Variants in CC2D2B observed in about 807,000 individuals in gnomAD.
CC2D2B encodes protein CC2D2B.
CC2D2B carries 128 observed loss-of-function variants against 161.2 expected under a neutral mutation model. The observed-to-expected ratio is 0.79, with a 90% CI of 0.69 to 0.92. The LOEUF (loss-of-function observed/expected upper bound fraction) is 0.92, where lower values mean the gene tolerates loss of function less well. CC2D2B is among the 40% of genes least tolerant of loss of function. CC2D2B has a pLI of 0.00. For missense variants in CC2D2B, 1,173 were observed against 1,375.1 expected (o/e 0.85, Z 2.32); for synonymous variants, 391 against 449.8 (o/e 0.87, Z 1.65).
chr10:96,008,282 A>G (rs1031623479), intron 25 of CC2D2B, among the ~76,000 whole-genome samples: 1 of 150,482 alleles, frequency 6.6e-6, no homozygotes, highest in African/African-American at 2.4e-5. Context: ...GCAGTATTCC[A>G]TTGATAAACA....
chr10:96,032,076 C>T lies in CC2D2B; in HGVS notation c.*68C>T. 1 of 1,242,328 alleles carries T rather than the reference C, an allele frequency of 8.0e-7. No individual in the cohort carries two copies. Among genetic ancestry groups the T allele is most frequent in the Non-Finnish European group, 1.1e-6 (1 of 892,896 alleles). The allele number at this position is 1,242,328 out of a possible 1,614,324, so 77.0% of individuals were successfully genotyped here. A position where few individuals can be genotyped will look rare whatever the true frequency, so the allele number is the denominator to read the frequency against. The stretch of plus-strand genomic sequence containing the variant: ...AGTACCAACAAAAACTTTTCTGGTA[C>T]CTTGAGATTTTGCTGTTTATTCTCA... On this transcript the variant is annotated 3_prime_UTR_variant, in exon 35 of 35. Coordinates refer to ENST00000646931, the MANE Select transcript of CC2D2B (RefSeq NM_001349008.3).
chr10:95,990,698 A>G (rs1174980843), intron 20 of CC2D2B, among the ~76,000 whole-genome samples: 2 of 152,228 alleles, frequency 1.3e-5, no homozygotes, highest in Non-Finnish European at 2.9e-5. Context: ...GATCTTTGAC[A>G]GGACAGAAAG....
In CC2D2B at chr10:95,938,107, A is replaced by G; in HGVS notation, c.453A>G (p.Lys151=). Reference sequence around the variant, plus strand: ...AATTCATTTTGACAGATATACTCAAAGTAAAAGCTGCTGACTATGAAGATG... The same window carrying G: ...AATTCATTTTGACAGATATACTCAAGGTAAAAGCTGCTGACTATGAAGATG... The part of the protein sequence containing the change: ...MKEFILTDIL[K]VKAADYEDDQ... The change falls in exon 7 of 35, where the codon AAA becomes AAG. Residue 151 remains lysine, a synonymous_variant. Transcript: ENST00000646931. The G allele has an allele frequency of 1.3e-6, 2 of 1,550,074 alleles. No individual in the cohort carries two copies. Among genetic ancestry groups the G allele is most frequent in the Admixed American group, 2.0e-5 (1 of 51,002 alleles).
At chr10:95,947,994 T>A (rs1486117589) in intron 9 of CC2D2B, among the ~76,000 whole-genome samples, 1 of 152,224 alleles carries the variant, frequency 6.6e-6, no homozygotes, top group Non-Finnish European at 1.5e-5. Flanking sequence ...CATTTAACTC[T>A]GGCCCACGGT....
At chr10:96,005,667 A>G (rs888399651) in intron 25 of CC2D2B, among the ~76,000 whole-genome samples, 6 of 152,148 alleles carry the variant, frequency 3.9e-5, no homozygotes, top group Non-Finnish European at 7.4e-5. Context: ...ATGTATTAGC[A>G]GAAAGCTGAA....
At chr10:95,939,777 C>T (rs558148577) in intron 9 of CC2D2B, among the ~76,000 whole-genome samples, 46 of 152,138 alleles carry the variant, frequency 3.0e-4, no homozygotes, top group Non-Finnish European at 5.6e-4. Context: ...GTTATTAGGA[C>T]AGCCTTTTTT....
At chr10:95,958,318 C>G (rs966173928) in intron 11 of CC2D2B, among the ~76,000 whole-genome samples, 2 of 151,948 alleles carry the variant, frequency 1.3e-5, no homozygotes, top group African/African-American at 4.8e-5. Flanking sequence ...ATGGTGAAAC[C>G]CCAACTGTAC....
At chr10:96,008,077 A>G (rs1048797380) in intron 25 of CC2D2B, among the ~76,000 whole-genome samples, 1 of 150,556 alleles carries the variant, frequency 6.6e-6, no homozygotes, top group African/African-American at 2.4e-5. Context: ...TGGCCTATCT[A>G]CCTCCTGCCC....
At chr10:96,019,020 T>C (rs528491467) in intron 30 of CC2D2B, 183 bp from the exon 31 acceptor site, 8 of 503,814 alleles carry the variant, frequency 1.6e-5, no homozygotes, top group African/African-American at 1.6e-4. Context: ...TTGCCCAGGC[T>C]GGTCTCAAAC....
At chr10:96,029,817 GTTTT>G (rs5787169) in intron 34 of CC2D2B, among the ~76,000 whole-genome samples, 1 of 144,768 alleles carries the variant, frequency 6.9e-6, no homozygotes, top group Non-Finnish European at 1.5e-5. Context: ...TTGTTGTTTT[GTTTT>G]TTTTTTTGCG....
At chr10:95,993,827 AAAGAGTG>A in intron 22 of CC2D2B, among the ~76,000 whole-genome samples, 1 of 134,048 alleles carries the variant, frequency 7.5e-6, no homozygotes, top group African/African-American at 2.8e-5. Flanking sequence ...GTGTATATAT[AAAGAGTG>A]TATATATATA....
At chr10:95,961,196 T>C (rs2076747039) in intron 11 of CC2D2B, among the ~76,000 whole-genome samples, 1 of 152,162 alleles carries the variant, frequency 6.6e-6, no homozygotes, top group Non-Finnish European at 1.5e-5. Context: ...TGCTCCTTTC[T>C]TCCACCATTG....
chr10:95,955,489 A>T lies in CC2D2B; in HGVS notation c.1107A>T (p.Ile369=). Reference sequence around the variant, plus strand: ...CTTTACAAGATTATTATTGGCAAATAAGGTAGGTTTTGAGCCATTCATGTT... The same window carrying T: ...CTTTACAAGATTATTATTGGCAAATTAGGTAGGTTTTGAGCCATTCATGTT... The part of the protein sequence containing the change: ...RKSLQDYYWQ[I]SNTKQMYDLE... Residue 369 remains isoleucine (I), a splice_region_variant and synonymous_variant, in exon 11 of 35, where the codon ATA becomes ATT. Transcript: ENST00000646931. 1 of 398,300 alleles carries T rather than the reference A, an allele frequency of 2.5e-6. No individual in the cohort carries two copies. Among genetic ancestry groups the T allele is most frequent in the Non-Finnish European group, 4.4e-6 (1 of 225,532 alleles). The allele number at this position is 398,300 out of a possible 1,614,324, so 24.7% of individuals were successfully genotyped here. A position where few individuals can be genotyped will look rare whatever the true frequency, so the allele number is the denominator to read the frequency against.
At chr10:95,991,641 T>G (rs1029480531) in intron 21 of CC2D2B, among the ~76,000 whole-genome samples, 180 bp downstream of exon 21, 11 of 152,326 alleles carry the variant, frequency 7.2e-5, no homozygotes, top group African/African-American at 2.6e-4. Context: ...TTTTGGGATC[T>G]CTACATGATA....
At chr10:96,011,772 C>CA (rs1463242935) in intron 26 of CC2D2B, among the ~76,000 whole-genome samples, 2 of 151,798 alleles carry the variant, frequency 1.3e-5, no homozygotes, top group African/African-American at 4.8e-5. Flanking sequence ...CACACACACA[C>CA]ACACAATTTC....
chr10:95,933,217 T>G (rs2075676139), intron 6 of CC2D2B, among the ~76,000 whole-genome samples: 1 of 152,082 alleles, frequency 6.6e-6, no homozygotes, highest in Non-Finnish European at 1.5e-5. Flanking sequence ...TCGTGCTGTG[T>G]TTTTCAGCTC....
chr10:95,973,539 G>A (rs1451421654), intron 16 of CC2D2B, among the ~76,000 whole-genome samples: 1 of 152,032 alleles, frequency 6.6e-6, no homozygotes, highest in East Asian at 1.9e-4. Flanking sequence ...ATCTTAGAGA[G>A]GAGATGAGGG....
chr10:95,971,750 C>T (rs1590672867), intron 15 of CC2D2B, among the ~76,000 whole-genome samples: 2 of 152,156 alleles, frequency 1.3e-5, no homozygotes, highest in East Asian at 1.9e-4. Flanking sequence ...ATCAGATTTA[C>T]ATGAGATAAA....
At chr10:95,978,635 G>T (rs1425719002) in intron 17 of CC2D2B, among the ~76,000 whole-genome samples, 5 of 152,120 alleles carry the variant, frequency 3.3e-5, no homozygotes, top group African/African-American at 1.2e-4. Context: ...GCCTCACAAA[G>T]TGCTAGGATT....
Sources: allele counts gnomAD v4.1 joint callset (sites outside exome capture counted in the v4.1 genomes callset), GRCh38; gene constraint gnomAD v4.1.1; transcripts MANE v1.5; gene names NCBI Gene and HGNC (gene_info 2026-07-23, HGNC 2026-07-21).